Variants in VAC14 observed in about 807,000 individuals in gnomAD.
VAC14 encodes the protein protein VAC14 homolog.
VAC14 carries 47 observed loss-of-function variants against 85.3 expected under a neutral mutation model. The ratio of observed to expected loss-of-function variants is 0.55; its 90% CI spans 0.44 to 0.70. The LOEUF (loss-of-function observed/expected upper bound fraction) is 0.70. Among genes scored for constraint, VAC14 ranks in the 30% least tolerant of loss-of-function variants. VAC14 has a pLI of 0.00. For missense variants in VAC14, 861 were observed against 1,004.3 expected (o/e 0.86, Z 1.93); for synonymous variants, 447 against 430.5 (o/e 1.04, Z -0.47).
chr16:70,697,076 G>T, intron 16 of VAC14, 63 bp downstream of exon 16: 1 of 1,403,744 alleles, frequency 7.1e-7, no homozygotes. Flanking sequence ...GGTGGAAAGG[G>T]GGCAGCCGGC....
At chr16:70,731,767 A>T (rs1025156145) in intron 13 of VAC14, 140 bp from the exon 14 acceptor site, 1 of 958,594 alleles carries the variant, frequency 1.0e-6, no homozygotes, top group Non-Finnish European at 1.5e-6. Context: ...GAAAATCTCT[A>T]ATCAAGAGCC....
intron 9 of VAC14, among the ~76,000 whole-genome samples, chr16:70,776,817 GTTTT>G (rs777631640): frequency 7.1e-6 from 1 of 140,736 alleles, no homozygotes; most frequent in Non-Finnish European, 1.6e-5. Context: ...ATTCTACCAG[GTTTT>G]TTTTTTTTTG....
At chr16:70,788,052 G>A (rs779350251) in intron 1 of VAC14, among the ~76,000 whole-genome samples, 9 of 152,232 alleles carry the variant, frequency 5.9e-5, no homozygotes, top group African/African-American at 9.6e-5. Flanking sequence ...TCAAATCATG[G>A]CAGGTATCTT....
intron 16 of VAC14, 126 bp from the exon 17 acceptor site, chr16:70,695,749 T>G: frequency 1.1e-6 from 1 of 873,194 alleles, no homozygotes. Flanking sequence ...AAGCAGGATT[T>G]GGCGCACAAA....
chr16:70,788,941 G>C (rs921252713), intron 1 of VAC14, among the ~76,000 whole-genome samples: 4 of 152,228 alleles, frequency 2.6e-5, no homozygotes, highest in African/African-American at 7.2e-5. Flanking sequence ...GTTCTCCAGA[G>C]AAACACTCAC....
intron 12 of VAC14, among the ~76,000 whole-genome samples, chr16:70,754,187 C>G (rs889449013): frequency 4.6e-5 from 7 of 152,214 alleles, no homozygotes; most frequent in Non-Finnish European, 1.0e-4. Context: ...CGCAGTTACT[C>G]TGGGTCCCCC....
chr16:70,758,945 T>A lies in VAC14; in HGVS notation c.1371+3595A>T, dbSNP rs548311340. Among the ~76,000 whole-genome samples the A allele has an allele frequency of 1.2e-4, 18 of 152,266 alleles. No homozygotes were observed. The South Asian group carries it at 1.9e-3, about 16-fold the overall frequency. ...TGAGGAAACAGCCACTTATCTTGAA[T>A]AATGGGAAGGCAGAGACAACTGAGG... On this transcript the variant is annotated intron_variant, in intron 12 of 18. Coordinates refer to ENST00000261776, the MANE Select transcript of VAC14 (RefSeq NM_018052.5).
At chr16:70,699,148 A>C in intron 14 of VAC14, 2 of 255,172 alleles carry the variant, frequency 7.8e-6, no homozygotes, top group Non-Finnish European at 1.6e-5. Flanking sequence ...GAACTCCCAC[A>C]TGTCTGAGCA....
chr16:70,775,328 C>G (rs2033464210), intron 9 of VAC14, among the ~76,000 whole-genome samples: 1 of 152,250 alleles, frequency 6.6e-6, no homozygotes, highest in Non-Finnish European at 1.5e-5. Flanking sequence ...CTGCCCATCA[C>G]CGCTCCCCGG....
chr16:70,787,574 G>T (rs1443718569), intron 1 of VAC14, among the ~76,000 whole-genome samples: 1 of 152,216 alleles, frequency 6.6e-6, no homozygotes, highest in Admixed American at 6.5e-5. Context: ...CAAAGGCCAG[G>T]CCTCTGCCCT....
chr16:70,696,145 C>A (rs115055011), intron 16 of VAC14, among the ~76,000 whole-genome samples: 1 of 152,190 alleles, frequency 6.6e-6, no homozygotes, highest in Non-Finnish European at 1.5e-5. Flanking sequence ...GTCATGTTGC[C>A]TTCTAAATAG....
At chr16:70,776,136 C>CA (rs2033504348) in intron 9 of VAC14, among the ~76,000 whole-genome samples, 2 of 152,172 alleles carry the variant, frequency 1.3e-5, no homozygotes, top group Admixed American at 6.5e-5. Flanking sequence ...AATGGGGTCT[C>CA]ATTCTCTCCC....
Position 70,700,439 on chromosome 16 carries a change from A to G in VAC14, c.1662-1628T>C, listed in dbSNP as rs1254342097. On this transcript the variant is annotated intron_variant, in intron 14 of 18. Coordinates refer to ENST00000261776, the MANE Select transcript of VAC14 (RefSeq NM_018052.5). ...TGAAGGCCTCCGCCTGGTGTCCCCAACTACCAGCGGTGTGATCTCAATGTC... is the reference window on the plus strand; with the variant it reads ...TGAAGGCCTCCGCCTGGTGTCCCCAGCTACCAGCGGTGTGATCTCAATGTC... Among the ~76,000 whole-genome samples, 5 of 152,222 alleles carry G rather than the reference A, an allele frequency of 3.3e-5. No homozygotes were observed. In the South Asian group the frequency reaches 8.3e-4, roughly 25 times the overall value.
At chr16:70,784,351 C>T in intron 4 of VAC14, 131 bp from the exon 5 acceptor site, 1 of 679,672 alleles carries the variant, frequency 1.5e-6, no homozygotes, top group Non-Finnish European at 2.6e-6. Flanking sequence ...CTGAGCTAGG[C>T]ATAAGAGGTC....
chr16:70,778,289 G>C (rs1173528578), intron 9 of VAC14: 1 of 152,200 alleles, frequency 6.6e-6, no homozygotes, highest in African/African-American at 2.4e-5. Flanking sequence ...TGCTCCAGCT[G>C]GTAGGGATGT....
At chr16:70,738,825 A>C (rs867426005) in intron 13 of VAC14, among the ~76,000 whole-genome samples, 1 of 152,316 alleles carries the variant, frequency 6.6e-6, no homozygotes, top group Non-Finnish European at 1.5e-5. Context: ...CCATGACGCT[A>C]TTCAAACTGA....
intron 13 of VAC14, among the ~76,000 whole-genome samples, chr16:70,740,386 T>C (rs903866018): frequency 6.6e-6 from 1 of 152,182 alleles, no homozygotes; most frequent in Admixed American, 6.5e-5. Flanking sequence ...TTACTGTGCA[T>C]GGCTAAGGAT....
intron 10 of VAC14, chr16:70,766,370 G>A (rs781175161): frequency 1.7e-5 from 7 of 410,430 alleles, no homozygotes; most frequent in East Asian, 1.5e-4. Flanking sequence ...GCCAAAGAAC[G>A]GCAGCATATC....
intron 14 of VAC14, among the ~76,000 whole-genome samples, chr16:70,710,113 G>A (rs1398541172): frequency 6.6e-6 from 1 of 152,228 alleles, no homozygotes; most frequent in Non-Finnish European, 1.5e-5. Flanking sequence ...CCACCCGCAT[G>A]GGACAGGAAG....
Sources: allele counts gnomAD v4.1 joint callset (sites outside exome capture counted in the v4.1 genomes callset), GRCh38; gene constraint gnomAD v4.1.1; transcripts MANE v1.5; gene names NCBI Gene and HGNC (gene_info 2026-07-23, HGNC 2026-07-21).